SLC24A2: variants seen among roughly 807,000 people sequenced by gnomAD.
SLC24A2 encodes the protein sodium/potassium/calcium exchanger 2.
Under a neutral mutation model 62.0 loss-of-function variants are expected in SLC24A2, and 36 were observed. The observed-to-expected ratio is 0.58, with a 90% confidence interval of 0.44 to 0.77. SLC24A2 has a LOEUF of 0.77. SLC24A2 is among the 30% of genes least tolerant of loss of function. The pLI, the probability that SLC24A2 is intolerant of heterozygous loss-of-function variation, is 0.00. For missense variants in SLC24A2, 846 were observed against 817.9 expected (o/e 1.03, Z -0.42); for synonymous variants, 358 against 294.0 (o/e 1.22, Z -2.23).
At chr9:19,823,806 A>G in the SLC24A2 span, among the ~76,000 whole-genome samples, 1 of 152,166 alleles carries the variant, frequency 6.6e-6, no homozygotes, top group African/African-American at 2.4e-5. Flanking sequence ...AGAGCATGGT[A>G]CTGGTACCAA....
At chr9:20,105,646 C>G in the SLC24A2 span, among the ~76,000 whole-genome samples, 4 of 151,878 alleles carry the variant, frequency 2.6e-5, no homozygotes, top group African/African-American at 9.7e-5. Context: ...TTCTTTGAAA[C>G]CAATGAGAAC....
chr9:20,015,860 C>T, the SLC24A2 span, among the ~76,000 whole-genome samples: 1 of 152,156 alleles, frequency 6.6e-6, no homozygotes, highest in East Asian at 1.9e-4. Context: ...TCACCAATTC[C>T]AAGGCAACAG....
chr9:19,797,508 AG>A, the SLC24A2 span, among the ~76,000 whole-genome samples: 1 of 152,344 alleles, frequency 6.6e-6, no homozygotes, highest in African/African-American at 2.4e-5. Context: ...TGCCAAGTAG[AG>A]GTCTTTACTG....
chr9:20,020,088 T>C, the SLC24A2 span, among the ~76,000 whole-genome samples: 2 of 152,198 alleles, frequency 1.3e-5, no homozygotes, highest in East Asian at 3.9e-4. Flanking sequence ...CTGGAGAGGA[T>C]GTGGACAAAT....
chr9:19,794,122 A>G, the SLC24A2 span, among the ~76,000 whole-genome samples: 3 of 152,234 alleles, frequency 2.0e-5, no homozygotes, highest in South Asian at 6.2e-4. Flanking sequence ...TTTCTGCAAC[A>G]GCACTTAAGG....
At chr9:19,530,078 C>CT (rs11365952) in intron 8 of SLC24A2, among the ~76,000 whole-genome samples, 5,147 of 124,832 alleles carry the variant, frequency 0.041, 115 homozygotes, top group Non-Finnish European at 0.052. Context: ...ATAAAAGCAG[C>CT]TTTTTTTTTT....
the SLC24A2 span, among the ~76,000 whole-genome samples, chr9:19,870,259 A>G: frequency 6.6e-6 from 1 of 152,134 alleles, no homozygotes; most frequent in African/African-American, 2.4e-5. Flanking sequence ...TAGACATTTC[A>G]TACAAATGGA....
chr9:19,561,269 GTTC>G (rs1261988478), intron 7 of SLC24A2, among the ~76,000 whole-genome samples: 1 of 151,640 alleles, frequency 6.6e-6, no homozygotes, highest in Non-Finnish European at 1.5e-5. Flanking sequence ...TCTCTACTCT[GTTC>G]TTATCCTCTA....
intron 2 of SLC24A2, among the ~76,000 whole-genome samples, chr9:19,768,018 C>A (rs1165124938): frequency 1.3e-5 from 2 of 152,148 alleles, no homozygotes; most frequent in African/African-American, 4.8e-5. Flanking sequence ...GGTCTTTCTT[C>A]TTCTTCTTAT....
At chr9:20,260,481 G>C in the SLC24A2 span, among the ~76,000 whole-genome samples, 8 of 152,202 alleles carry the variant, frequency 5.3e-5, 1 homozygote, top group African/African-American at 1.4e-4. Context: ...TAGGGATCTT[G>C]GTTTCTGGGT....
At chr9:20,277,429 T>C in the SLC24A2 span, among the ~76,000 whole-genome samples, 1 of 151,506 alleles carries the variant, frequency 6.6e-6, no homozygotes, top group African/African-American at 2.4e-5. Flanking sequence ...GGGCAAAGGA[T>C]ATGAACAGAC....
intron 7 of SLC24A2, among the ~76,000 whole-genome samples, chr9:19,555,119 C>T (rs981689963): frequency 1.5e-4 from 23 of 152,176 alleles, no homozygotes; most frequent in African/African-American, 5.6e-4. Context: ...GCACCCACTT[C>T]ACATCACAAT....
chr9:19,958,495 G>A, the SLC24A2 span, among the ~76,000 whole-genome samples: 1 of 152,160 alleles, frequency 6.6e-6, no homozygotes, highest in Non-Finnish European at 1.5e-5. Flanking sequence ...CGGTGTGCAC[G>A]GCACTGTACT....
chr9:20,051,799 T>C, the SLC24A2 span, among the ~76,000 whole-genome samples: 7 of 151,570 alleles, frequency 4.6e-5, no homozygotes, highest in Admixed American at 2.0e-4. Flanking sequence ...ACTCGAACAC[T>C]AGAGAGCTGG....
At chr9:20,175,274 G>A in the SLC24A2 span, among the ~76,000 whole-genome samples, 21 of 151,920 alleles carry the variant, frequency 1.4e-4, no homozygotes, top group African/African-American at 4.8e-4. Flanking sequence ...ACGACAAATT[G>A]GGTGCAGTGT....
chr9:20,117,942 G>C, the SLC24A2 span, among the ~76,000 whole-genome samples: 1 of 152,076 alleles, frequency 6.6e-6, no homozygotes, highest in Non-Finnish European at 1.5e-5. Flanking sequence ...TATTAAGCTA[G>C]TAAGAGTCAG....
chr9:20,239,079 A>T, the SLC24A2 span, among the ~76,000 whole-genome samples: 1 of 152,190 alleles, frequency 6.6e-6, no homozygotes, highest in South Asian at 2.1e-4. Flanking sequence ...TCTCTTCTTT[A>T]AGCCACTCAG....
At chr9:19,524,114 T>G (rs899455549) in intron 9 of SLC24A2, among the ~76,000 whole-genome samples, 1 of 140,922 alleles carries the variant, frequency 7.1e-6, no homozygotes, top group Admixed American at 7.4e-5. Context: ...TCAGCAGTCT[T>G]TTGGGGGAAA....
the SLC24A2 span, among the ~76,000 whole-genome samples, chr9:19,806,224 TGGA>T: frequency 6.6e-6 from 1 of 152,088 alleles, no homozygotes. Context: ...GGGTAAACAG[TGGA>T]GGAGTGCACC....
Sources: gnomAD v4.1 joint callset for allele counts (sites outside exome capture counted in the v4.1 genomes callset) on GRCh38, gnomAD v4.1.1 for gene constraint, MANE v1.5 for transcripts, NCBI Gene and HGNC (gene_info 2026-07-23, HGNC 2026-07-21) for gene names.